Variants in ZFHX3 observed in about 807,000 individuals in gnomAD.
ZFHX3 encodes zinc finger homeobox 3, also known as zinc finger homeobox protein 3.
ZFHX3 carries 42 observed loss-of-function variants against 279.1 expected under a neutral mutation model. The observed-to-expected ratio is 0.15, with a 90% CI of 0.12 to 0.19. The LOEUF (loss-of-function observed/expected upper bound fraction) is 0.19. Among genes scored for constraint, ZFHX3 ranks in the 10% least tolerant of loss-of-function variants. The pLI, the probability that ZFHX3 is intolerant of heterozygous loss-of-function variation, is 1.00. For synonymous variants in ZFHX3, 2,293 were observed against 1,957.8 expected, an observed-to-expected ratio of 1.17 and a Z score of -4.52; for missense variants, 4,981 against 4,754.0, an observed-to-expected ratio of 1.05 and a Z score of -1.40.
At chr16:73,316,543 A>G (rs1378818702) in intron 4 of ZFHX3, among the ~76,000 whole-genome samples, 3 of 152,162 alleles carry the variant, frequency 2.0e-5, no homozygotes, top group Non-Finnish European at 4.4e-5. Context: ...ATACTCTTTG[A>G]TATTCTTTTC....
Position 73,483,194 on chromosome 16 carries a change from G to C in ZFHX3, c.-1546-26936C>G, listed in dbSNP as rs74984198. On this transcript the variant is annotated intron_variant, in intron 2 of 17. Transcript: ENST00000641206. The stretch of plus-strand genomic sequence containing the variant: ...CCCTCCGAGGGTGACCCCGGAGGAA[G>C]AGAACGCGTGGGCCCCTGCTCCAAG... 1.1e-3 allele frequency: 395 copies of C among 348,042 alleles called. 12 individuals carry two copies. In the East Asian group the frequency reaches 0.028, roughly 25 times the overall value. 21.6% of individuals were successfully genotyped at this position (348,042 alleles called of 1,614,324 possible).
In ZFHX3 at chr16:73,002,544, T is replaced by C. The variant is rs923121176; in HGVS notation, c.-49-42350A>G. On this transcript the variant is annotated intron_variant, in intron 1 of 9. Coordinates refer to ENST00000268489, the MANE Select transcript of ZFHX3 (RefSeq NM_006885.4). ...ACATATCAGAAAGACAGCACACACA[T>C]TTCCATCAAGACAGCTAACTTGGGC... is the stretch of plus-strand genomic sequence containing the variant. 2.6e-5 allele frequency among the ~76,000 whole-genome samples: 4 copies of C among 152,108 alleles called. No homozygotes were observed. The East Asian group carries it at 7.7e-4, about 29-fold the overall frequency.
intron 1 of ZFHX3, among the ~76,000 whole-genome samples, chr16:73,837,485 G>C (rs1011509450): frequency 3.0e-4 from 46 of 152,314 alleles, no homozygotes; most frequent in Non-Finnish European, 2.5e-4. Context: ...TGTTAAAGGT[G>C]CTTGCCTTTT....
intron 5 of ZFHX3, among the ~76,000 whole-genome samples, chr16:72,825,998 G>A (rs1200749467): frequency 6.6e-6 from 1 of 152,112 alleles, no homozygotes; most frequent in African/African-American, 2.4e-5. Context: ...GAAATCCCCA[G>A]AAGAATGTTA....
intron 1 of ZFHX3, among the ~76,000 whole-genome samples, chr16:73,034,180 T>A (rs1462711811): frequency 1.3e-5 from 2 of 151,958 alleles, no homozygotes; most frequent in African/African-American, 4.8e-5. Context: ...GTTTCTGAGT[T>A]TTCCATGTCA....
chr16:72,959,831 C>G lies in ZFHX3; in HGVS notation c.315G>C (p.Pro105=), dbSNP rs763854220. The G allele has an allele frequency of 1.3e-6, 2 of 1,592,800 alleles. No homozygotes were observed. The highest frequency in any genetic ancestry group is 1.3e-5 in the African/African-American group (1 of 74,682). ...TGGCGCTCTCCTCTCTCAGGGGTGG[C>G]GGGGGGCGCGCGCTGGGGCAGTGGT... The part of the protein sequence containing the change: ...MEHHCPSARP[P]PPLREESASD... Residue 105 remains proline (P), a synonymous_variant, in exon 2 of 10, where the codon CCG becomes CCC. Transcript: ENST00000268489.
chr16:73,722,373 G>A (rs1167905647), intron 1 of ZFHX3, among the ~76,000 whole-genome samples: 5 of 152,202 alleles, frequency 3.3e-5, no homozygotes, highest in Non-Finnish European at 7.3e-5. Flanking sequence ...TCAATTTCAA[G>A]CTATCTGAGA....
chr16:73,818,565 C>G (rs73601892), intron 1 of ZFHX3, among the ~76,000 whole-genome samples: 139 of 152,338 alleles, frequency 9.1e-4, no homozygotes, highest in African/African-American at 3.3e-3. Context: ...CTCTGCTCAA[C>G]TTTGTATCAA....
intron 3 of ZFHX3, among the ~76,000 whole-genome samples, chr16:73,435,011 T>A (rs2017972484): frequency 6.6e-6 from 1 of 152,130 alleles, no homozygotes; most frequent in African/African-American, 2.4e-5. Context: ...ATACATGTTA[T>A]CAGTGATATT....
chr16:73,390,804 T>C (rs1739596926), intron 3 of ZFHX3, among the ~76,000 whole-genome samples: 1 of 151,980 alleles, frequency 6.6e-6, no homozygotes, highest in Non-Finnish European at 1.5e-5. Flanking sequence ...AAACACCCAC[T>C]TCTCCCCCTG....
In ZFHX3 at chr16:72,793,131, A is replaced by G. The variant is rs2035769694; in HGVS notation, c.9427+124T>C. 2.0e-6 allele frequency: 3 copies of G among 1,481,800 alleles called. No individual in the cohort carries two copies. The highest frequency in any genetic ancestry group is 2.3e-5 in the East Asian group (1 of 43,834). 91.8% of individuals were successfully genotyped at this position (1,481,800 alleles called of 1,614,324 possible). ...AACGAACTGAAGTCTTGTTGCTTTT[A>G]AAGAACTAGAAAGGTAAGCTTCCCA... On this transcript the variant is annotated intron_variant, in intron 9 of 9. Coordinates refer to ENST00000268489, the MANE Select transcript of ZFHX3 (RefSeq NM_006885.4). The surrounding 1 kb of genome is among the most constrained non-coding windows in gnomAD (Gnocchi z 4.3).
chr16:73,474,651 C>T (rs2018733895), intron 2 of ZFHX3, among the ~76,000 whole-genome samples: 1 of 152,152 alleles, frequency 6.6e-6, no homozygotes, highest in Non-Finnish European at 1.5e-5. Flanking sequence ...CAAGCAGATG[C>T]TCCTCTGGGT....
Position 73,529,814 on chromosome 16 carries a change from T to C in ZFHX3, c.-1546-73556A>G, listed in dbSNP as rs542147900. ...AAGCATCCCAACTGATGCACCTGTT[T>C]CTCCGTGGCTTCATTAGGGGATCAT... On this transcript the variant is annotated intron_variant, in intron 2 of 17. Transcript: ENST00000641206. 2.4e-3 allele frequency among the ~76,000 whole-genome samples: 373 copies of C among 152,258 alleles called. 5 individuals are homozygous for C. The highest frequency in any genetic ancestry group is 8.8e-3 in the African/African-American group (366 of 41,546).
intron 1 of ZFHX3, among the ~76,000 whole-genome samples, chr16:73,721,915 C>T (rs1381313133): frequency 6.6e-6 from 1 of 152,120 alleles, no homozygotes; most frequent in Admixed American, 6.5e-5. Context: ...TGTGATGATG[C>T]AAGCCTGTAG....
chr16:73,000,799 C>T (rs1198037688), intron 1 of ZFHX3, among the ~76,000 whole-genome samples: 2 of 152,176 alleles, frequency 1.3e-5, no homozygotes, highest in African/African-American at 2.4e-5. Flanking sequence ...CCTCCACGTT[C>T]GACACACTCC....
intron 3 of ZFHX3, among the ~76,000 whole-genome samples, chr16:73,415,618 G>A (rs1567477138): frequency 1.3e-5 from 2 of 152,162 alleles, no homozygotes; most frequent in Admixed American, 6.5e-5. Context: ...TATTATTAAT[G>A]TCAGTATCCC....
intron 1 of ZFHX3, 70 bp from the exon 2 acceptor site, chr16:72,960,264 G>A (rs1961511185): frequency 1.5e-6 from 2 of 1,303,050 alleles, no homozygotes; most frequent in Non-Finnish European, 2.0e-6. Flanking sequence ...GAGGTTAGGA[G>A]GGCCGAGGCT....
rs1010731505 is a variant in ZFHX3, at chr16:73,070,482, T to C, written c.-532-11470A>G. Among the ~76,000 whole-genome samples the C allele has an allele frequency of 7.9e-5, 12 of 152,242 alleles. No individual in the cohort carries two copies. In the Middle Eastern group the frequency reaches 0.01, roughly 129 times the overall value. The stretch of plus-strand genomic sequence containing the variant: ...GCTAATTATAAAAGCGAATAGCTTT[T>C]CCTCTCCGAATCATATTCCTTGACT... On this transcript the variant is annotated intron_variant, in intron 8 of 17. Coordinates refer to the ZFHX3 transcript ENST00000641206.
At chr16:73,189,795 G>A (rs777282160) in intron 5 of ZFHX3, among the ~76,000 whole-genome samples, 1 of 152,148 alleles carries the variant, frequency 6.6e-6, no homozygotes, top group Admixed American at 6.5e-5. Flanking sequence ...TGTCTGTATG[G>A]TGAAAGTGTA....
Sources: gnomAD v4.1 joint callset for allele counts (sites outside exome capture counted in the v4.1 genomes callset) on GRCh38, gnomAD v4.1.1 for gene constraint, Gnocchi (gnomAD v3.1) non-coding constraint, MANE v1.5 for transcripts, NCBI Gene and HGNC (gene_info 2026-07-23, HGNC 2026-07-21) for gene names.